The following GABBR2 variants were observed in gnomAD, a reference collection of about 807,000 sequenced individuals.
GABBR2 encodes gamma-aminobutyric acid type B receptor subunit 2.
In GABBR2, 23 loss-of-function variants were observed where a neutral mutation model predicts 105.6. The observed-to-expected ratio is 0.22, with a 90% CI of 0.16 to 0.31. The LOEUF (loss-of-function observed/expected upper bound fraction) is 0.31. Among genes scored for constraint, GABBR2 ranks in the 10% least tolerant of loss-of-function variants. The pLI, the probability that GABBR2 is intolerant of heterozygous loss-of-function variation, is 1.00. For missense variants in GABBR2, 734 were observed against 1,245.5 expected (o/e 0.59, Z 6.18); for synonymous variants, 478 against 499.7 (o/e 0.96, Z 0.58).
intron 1 of GABBR2, among the ~76,000 whole-genome samples, chr9:98,614,827 G>A (rs189097402): frequency 1.2e-4 from 18 of 152,256 alleles, no homozygotes; most frequent in Admixed American, 1.2e-3. Flanking sequence ...GATCAACCCT[G>A]CAGAACTTGA....
chr9:98,378,904 T>C (rs1164387609), intron 11 of GABBR2, among the ~76,000 whole-genome samples: 5 of 152,138 alleles, frequency 3.3e-5, no homozygotes, highest in African/African-American at 4.8e-5. Flanking sequence ...AGTAGAAAAG[T>C]AGATAAAAGA....
chr9:98,671,238 C>T (rs180759751), intron 1 of GABBR2, among the ~76,000 whole-genome samples: 41 of 152,238 alleles, frequency 2.7e-4, no homozygotes, highest in African/African-American at 8.2e-4. Context: ...ACATTTCACA[C>T]GAATGGAATC....
At chr9:98,595,350 G>T (rs1447326713) in intron 1 of GABBR2, among the ~76,000 whole-genome samples, 4 of 151,714 alleles carry the variant, frequency 2.6e-5, no homozygotes, top group Non-Finnish European at 5.9e-5. Flanking sequence ...CAGTTTGGGG[G>T]CTAGGATTTC....
intron 6 of GABBR2, among the ~76,000 whole-genome samples, chr9:98,465,121 T>TAAAAAAAAAAAAAAAAAAAA (rs57747633): frequency 1.4e-3 from 31 of 22,000 alleles, no homozygotes; most frequent in South Asian, 2.9e-3. Context: ...CAATAAATAC[T>TAAAAAAAAAAAAAAAAAAAA]AAAAAAAAAA....
At chr9:98,518,781 A>G (rs1278975444) in intron 3 of GABBR2, among the ~76,000 whole-genome samples, 3 of 152,122 alleles carry the variant, frequency 2.0e-5, no homozygotes, top group Non-Finnish European at 4.4e-5. Context: ...AGCTCCCTCA[A>G]GGTCAGGAAA....
In GABBR2 at chr9:98,520,625, A is replaced by C. The variant is rs1827848651; in HGVS notation, c.630+21248T>G. 2.0e-5 allele frequency among the ~76,000 whole-genome samples: 3 copies of C among 152,256 alleles called. No homozygotes were observed. In the South Asian group the frequency reaches 6.2e-4, roughly 31 times the overall value. ...AGGAGGGTCTGGGTATGCCAGAAGA[A>C]ATCCAAAATGGCTCTCTAGTGAAGC... On this transcript the variant is annotated intron_variant, in intron 3 of 18. Coordinates refer to ENST00000259455, the MANE Select transcript of GABBR2 (RefSeq NM_005458.8).
intron 4 of GABBR2, among the ~76,000 whole-genome samples, chr9:98,484,970 C>T (rs902736221): frequency 6.6e-6 from 1 of 152,202 alleles, no homozygotes; most frequent in African/African-American, 2.4e-5. Context: ...GCTGAAAGGG[C>T]TTGGGGCAGT....
In GABBR2 at chr9:98,362,702, A is replaced by G. The variant is rs1831607470; in HGVS notation, c.1893+13T>C. On this transcript the variant is annotated intron_variant, in intron 13 of 18. Coordinates refer to ENST00000259455, the MANE Select transcript of GABBR2 (RefSeq NM_005458.8). ...ATCTGCAGGCTTCCCTCCTGCCGGCATGGAGGGCTTACCTCCATGCTGTAC... is the reference window on the plus strand; with the variant it reads ...ATCTGCAGGCTTCCCTCCTGCCGGCGTGGAGGGCTTACCTCCATGCTGTAC... The G allele has an allele frequency of 2.6e-6, 4 of 1,522,860 alleles. No homozygotes were observed. Among genetic ancestry groups the G allele is most frequent in the Middle Eastern group, 1.8e-4 (1 of 5,674 alleles). 94.3% of individuals were successfully genotyped at this position (1,522,860 alleles called of 1,614,324 possible). A position where few individuals can be genotyped will look rare whatever the true frequency, so the allele number is the denominator to read the frequency against.
At chr9:98,355,375 T>C (rs561579858) in intron 13 of GABBR2, among the ~76,000 whole-genome samples, 1 of 151,352 alleles carries the variant, frequency 6.6e-6, no homozygotes, top group Non-Finnish European at 1.5e-5. Context: ...AAATTTCAAT[T>C]TGTAAAAAAT....
chr9:98,605,188 C>T (rs1393800022), intron 1 of GABBR2, among the ~76,000 whole-genome samples: 1 of 152,220 alleles, frequency 6.6e-6, no homozygotes, highest in African/African-American at 2.4e-5. Context: ...ATGTACAGTG[C>T]AACAGCGGAG....
At chr9:98,436,329 TATACAC>T (rs1226954125) in intron 7 of GABBR2, among the ~76,000 whole-genome samples, 986 of 45,424 alleles carry the variant, frequency 0.022, 199 homozygotes, top group African/African-American at 0.096. Context: ...TATATATATA[TATACAC>T]ACACACACAC....
intron 5 of GABBR2, among the ~76,000 whole-genome samples, chr9:98,474,516 T>C (rs1262715870): frequency 6.6e-6 from 1 of 152,146 alleles, no homozygotes; most frequent in African/African-American, 2.4e-5. Context: ...CAGGGGTGGA[T>C]GGAAATTTCC....
At chr9:98,496,591 G>T in intron 3 of GABBR2, 77 bp from the exon 4 acceptor site, 2 of 952,570 alleles carry the variant, frequency 2.1e-6, no homozygotes, top group Non-Finnish European at 3.4e-6. Flanking sequence ...TCACCCTGGG[G>T]AAGTCAATTG....
Position 98,290,368 on chromosome 9 carries a change from G to C in GABBR2, c.*216C>G, listed in dbSNP as rs1830283353. ...CGTCCCATTTCCGTTCCTCTTCTTT[G>C]TGAAGAAATAAGGACTTCACAAATA... On this transcript the variant is annotated 3_prime_UTR_variant, in exon 19 of 19. Transcript: ENST00000259455. 1.2e-5 allele frequency: 2 copies of C among 164,418 alleles called. No homozygotes were observed. The highest frequency in any genetic ancestry group is 2.3e-5 in the Non-Finnish European group (2 of 86,172). 10.2% of individuals were successfully genotyped at this position (164,418 alleles called of 1,614,324 possible).
chr9:98,358,129 T>A (rs1831519926), intron 13 of GABBR2, among the ~76,000 whole-genome samples: 1 of 152,204 alleles, frequency 6.6e-6, no homozygotes, highest in South Asian at 2.1e-4. Context: ...CCATTTAGGA[T>A]GCTATCAGTT....
At chr9:98,575,539 C>G (rs1333727423) in intron 2 of GABBR2, among the ~76,000 whole-genome samples, 1 of 152,156 alleles carries the variant, frequency 6.6e-6, no homozygotes, top group African/African-American at 2.4e-5. Context: ...CCTATTACTA[C>G]CTTGATTATG....
At chr9:98,632,798 T>C (rs1829830826) in intron 1 of GABBR2, among the ~76,000 whole-genome samples, 1 of 152,206 alleles carries the variant, frequency 6.6e-6, no homozygotes, top group South Asian at 2.1e-4. Context: ...TCCTTGAGCA[T>C]GATAAAATGG....
chr9:98,471,723 T>C (rs1826687004), intron 6 of GABBR2, among the ~76,000 whole-genome samples: 1 of 152,290 alleles, frequency 6.6e-6, no homozygotes, highest in African/African-American at 2.4e-5. Context: ...TTCATGGATA[T>C]TTTTTTCCCT....
At chr9:98,566,020 AGGCAGT>A (rs1465300863) in intron 2 of GABBR2, among the ~76,000 whole-genome samples, 3 of 152,148 alleles carry the variant, frequency 2.0e-5, no homozygotes, top group Non-Finnish European at 2.9e-5. Context: ...TCACACTCTA[AGGCAGT>A]GGTTCCCACC....
Sources: allele counts gnomAD v4.1 joint callset (sites outside exome capture counted in the v4.1 genomes callset), GRCh38; gene constraint gnomAD v4.1.1; transcripts MANE v1.5; gene names NCBI Gene and HGNC (gene_info 2026-07-23, HGNC 2026-07-21).